The following RGS12 variants were observed in gnomAD, a reference collection of about 807,000 sequenced individuals.
RGS12 encodes regulator of G protein signaling 12.
RGS12 carries 66 observed loss-of-function variants against 120.1 expected under a neutral mutation model. The ratio of observed to expected loss-of-function variants is 0.55; its 90% CI spans 0.45 to 0.67. The LOEUF (loss-of-function observed/expected upper bound fraction) is 0.67. Among genes scored for constraint, RGS12 ranks in the 30% least tolerant of loss-of-function variants. RGS12 has a pLI of 0.00. For synonymous variants in RGS12, 827 were observed against 804.7 expected, an observed-to-expected ratio of 1.03 and a Z score of -0.47; for missense variants, 1,859 against 1,957.7, an observed-to-expected ratio of 0.95 and a Z score of 0.95.
intron 4 of RGS12, among the ~76,000 whole-genome samples, chr4:3,399,348 G>T (rs1720357660): frequency 6.6e-6 from 1 of 152,036 alleles, no homozygotes; most frequent in Non-Finnish European, 1.5e-5. Context: ...AAAGAGGGAG[G>T]CCAGGCACAG....
chr4:3,414,473 C>A, intron 5 of RGS12: 1 of 604,976 alleles, frequency 1.7e-6, no homozygotes, highest in Non-Finnish European at 2.9e-6. Flanking sequence ...CCGCTCTCTA[C>A]TGGGGTCTCT....
intron 3 of RGS12, among the ~76,000 whole-genome samples, chr4:3,384,614 A>G (rs1718628153): frequency 6.6e-6 from 1 of 152,244 alleles, no homozygotes; most frequent in East Asian, 1.9e-4. Context: ...CAAGGGCCAC[A>G]TGGTGGCTTC....
rs769549013 is a variant in RGS12, at chr4:3,416,882, G to A, written c.2428-31G>A. The A allele has an allele frequency of 5.7e-6, 9 of 1,567,232 alleles. No homozygotes were observed. The African/African-American group carries it at 1.2e-4, about 21-fold the overall frequency. ...GAGGCTGCATGTCTGGGTCCCTCCTGTGACTGTCCCACCTTACATCTTCTC... is the reference window on the plus strand; with the variant it reads ...GAGGCTGCATGTCTGGGTCCCTCCTATGACTGTCCCACCTTACATCTTCTC... On this transcript the variant is annotated intron_variant, in intron 7 of 17. Transcript: ENST00000336727.
intron 3 of RGS12, among the ~76,000 whole-genome samples, chr4:3,347,764 G>A (rs1713958447): frequency 6.6e-6 from 1 of 152,126 alleles, no homozygotes; most frequent in Admixed American, 6.5e-5. Context: ...AATGGATAAG[G>A]AAAACAGAAT....
intron 4 of RGS12, among the ~76,000 whole-genome samples, chr4:3,409,460 C>T (rs149039285): frequency 1.6e-4 from 25 of 152,366 alleles, no homozygotes; most frequent in African/African-American, 6.0e-4. Context: ...ATACACCAGT[C>T]ATCTTTCACT....
intron 3 of RGS12, among the ~76,000 whole-genome samples, chr4:3,352,025 A>T (rs189868583): frequency 2.6e-4 from 40 of 152,186 alleles, no homozygotes; most frequent in Admixed American, 7.2e-4. Context: ...AGATGTGTGT[A>T]AGCAAATCAA....
At chr4:3,391,579 C>G (rs1001260343) in intron 4 of RGS12, among the ~76,000 whole-genome samples, 1 of 152,198 alleles carries the variant, frequency 6.6e-6, no homozygotes, top group Non-Finnish European at 1.5e-5. Flanking sequence ...GCCACCCCTT[C>G]CCACTCCAAG....
chr4:3,371,262 T>C (rs747658649), intron 3 of RGS12, among the ~76,000 whole-genome samples: 1 of 152,116 alleles, frequency 6.6e-6, no homozygotes, highest in Non-Finnish European at 1.5e-5. Context: ...CTGGTCTTCT[T>C]TGGGGCGTGC....
intron 17 of RGS12, chr4:3,431,891 C>T: frequency 1.0e-6 from 1 of 985,524 alleles, no homozygotes; most frequent in Non-Finnish European, 1.2e-6. Context: ...AGACCTGTAG[C>T]CTGGACCTCG....
intron 16 of RGS12, among the ~76,000 whole-genome samples, chr4:3,429,311 T>C (rs1443868474): frequency 6.6e-6 from 1 of 152,194 alleles, no homozygotes; most frequent in Non-Finnish European, 1.5e-5. Context: ...AGGAGAAGCA[T>C]TGAAAACAGA....
chr4:3,294,341 G>A (rs1723244307), intron 1 of RGS12, among the ~76,000 whole-genome samples: 1 of 152,246 alleles, frequency 6.6e-6, no homozygotes, highest in Non-Finnish European at 1.5e-5. Flanking sequence ...GCGGCTTTGG[G>A]CAGCAAGGGC....
chr4:3,381,934 A>G (rs959600159), intron 3 of RGS12, among the ~76,000 whole-genome samples: 2 of 152,202 alleles, frequency 1.3e-5, no homozygotes, highest in Non-Finnish European at 2.9e-5. Context: ...AGAGCTGTGC[A>G]CTGTGTAAAC....
At chr4:3,423,409 G>A (rs961904745) in intron 12 of RGS12, 106 bp from the exon 13 acceptor site, 23 of 1,445,360 alleles carry the variant, frequency 1.6e-5, no homozygotes, top group East Asian at 2.3e-5. Flanking sequence ...GGGGCACACC[G>A]AGGCCTTGAG....
intron 2 of RGS12, among the ~76,000 whole-genome samples, chr4:3,322,361 T>C (rs747674342): frequency 6.6e-5 from 10 of 152,162 alleles, no homozygotes; most frequent in Non-Finnish European, 1.5e-4. Context: ...TGGACTGCTT[T>C]CCCTTTTGTG....
rs372721503 is a variant in RGS12 at position 3,317,068 on chromosome 4, G to A, written c.898G>A (p.Ala300Thr). The change falls in exon 2 of 18, where the codon GCC becomes ACC. Residue 300 changes from alanine to threonine, a missense_variant. Physicochemically the swap from Ala to Thr is moderately conservative, Grantham distance 58 (BLOSUM62 0). Around this residue, in one of 3 missense-constraint regions of RGS12, gnomAD observed 967 missense variants for 994.2 expected, o/e 0.97. Coordinates refer to ENST00000336727, the MANE Select transcript of RGS12 (RefSeq NM_001394154.1). ...GGCCGAGTACCCGGCCGAGAAGCTG[G>A]CCTTCAGCGCCGTGTGCCCGGACGA... ...VVAEYPAEKL[A>T]FSAVCPDDRR... The A allele has an allele frequency of 1.9e-6, 3 of 1,613,604 alleles. No homozygotes were observed. The African/African-American group carries it at 4.0e-5, about 22-fold the overall frequency.
chr4:3,417,222 G>A (rs1722506061), intron 8 of RGS12, 130 bp downstream of exon 8: 16 of 1,317,410 alleles, frequency 1.2e-5, no homozygotes, highest in Non-Finnish European at 1.4e-5. Flanking sequence ...ATGCTGGAAA[G>A]TTCCAGCTGC....
At chr4:3,338,831 C>G (rs1343730598) in intron 2 of RGS12, among the ~76,000 whole-genome samples, 1 of 152,110 alleles carries the variant, frequency 6.6e-6, no homozygotes, top group Non-Finnish European at 1.5e-5. Context: ...TGTTGTTTTC[C>G]CTGTTTAGTA....
chr4:3,338,444 A>G lies in RGS12; in HGVS notation c.1882-4493A>G, dbSNP rs1035557429. On this transcript the variant is annotated intron_variant, in intron 2 of 17. Coordinates refer to ENST00000336727, the MANE Select transcript of RGS12 (RefSeq NM_001394154.1). ...CTACCCTTCCCCTCCCCTCATTTCTAGCGGTTTTACTTTGGAGGGAACCCG... is the reference window on the plus strand; with the variant it reads ...CTACCCTTCCCCTCCCCTCATTTCTGGCGGTTTTACTTTGGAGGGAACCCG... 1.1e-4 allele frequency among the ~76,000 whole-genome samples: 16 copies of G among 152,206 alleles called. 1 individual carries two copies. The highest frequency in any genetic ancestry group is 2.1e-4 in the South Asian group (1 of 4,826).
chr4:3,332,113 G>A (rs1003541446), intron 2 of RGS12, among the ~76,000 whole-genome samples: 1 of 152,188 alleles, frequency 6.6e-6, no homozygotes, highest in Non-Finnish European at 1.5e-5. Flanking sequence ...GGCCATGGAG[G>A]TAGAGGATCC....
Sources: allele counts gnomAD v4.1 joint callset (sites outside exome capture counted in the v4.1 genomes callset), GRCh38; gene constraint gnomAD v4.1.1; regional missense constraint gnomAD v4.1.1; transcripts MANE v1.5; gene names NCBI Gene and HGNC (gene_info 2026-07-23, HGNC 2026-07-21).